The following KALRN variants were observed in gnomAD, a reference collection of about 807,000 sequenced individuals.
KALRN encodes kalirin RhoGEF kinase.
In KALRN, 70 loss-of-function variants were observed where a neutral mutation model predicts 353.7. That is an observed-to-expected ratio of 0.20 (90% CI 0.16 to 0.24). The LOEUF (loss-of-function observed/expected upper bound fraction) is 0.24. Among genes scored for constraint, KALRN ranks in the 10% least tolerant of loss-of-function variants. KALRN has a pLI of 1.00. For synonymous variants in KALRN, 1,391 were observed against 1,434.8 expected (o/e 0.97, Z 0.69); for missense variants, 2,791 against 3,756.7 (o/e 0.74, Z 6.72).
At chr3:124,601,589 G>C (rs1380144505) in intron 34 of KALRN, among the ~76,000 whole-genome samples, 6 of 152,158 alleles carry the variant, frequency 3.9e-5, no homozygotes, top group African/African-American at 1.4e-4. Flanking sequence ...TCTTCAACCA[G>C]GTCACTATTA....
intron 8 of KALRN, among the ~76,000 whole-genome samples, chr3:124,330,377 G>A (rs1222692067): frequency 1.3e-5 from 2 of 151,908 alleles, no homozygotes; most frequent in Admixed American, 6.6e-5. Context: ...CTTCTCTGGA[G>A]GTTGCTTTCT....
chr3:124,527,410 C>G (rs2067679350), intron 33 of KALRN, among the ~76,000 whole-genome samples: 1 of 151,980 alleles, frequency 6.6e-6, no homozygotes, highest in Admixed American at 6.6e-5. Flanking sequence ...GAGATCGAGA[C>G]CATCCTGGCT....
At chr3:124,672,015 C>A in intron 48 of KALRN, 117 bp downstream of exon 48, 1 of 779,774 alleles carries the variant, frequency 1.3e-6, no homozygotes, top group Non-Finnish European at 2.2e-6. Flanking sequence ...ATGGCACCAT[C>A]TCAGCTCACT....
intron 1 of KALRN, among the ~76,000 whole-genome samples, chr3:124,206,953 C>T (rs746192623): frequency 6.6e-6 from 1 of 152,122 alleles, no homozygotes; most frequent in Non-Finnish European, 1.5e-5. Flanking sequence ...AGAACATTGG[C>T]GTTGGCACTT....
chr3:124,124,366 G>A (rs558190080), intron 1 of KALRN, among the ~76,000 whole-genome samples: 5 of 152,336 alleles, frequency 3.3e-5, no homozygotes, highest in South Asian at 2.1e-4. Flanking sequence ...ATCTCATGAT[G>A]AAAATTGAAT....
chr3:124,313,732 C>T (rs370953384), intron 6 of KALRN, among the ~76,000 whole-genome samples: 2 of 152,170 alleles, frequency 1.3e-5, no homozygotes, highest in Non-Finnish European at 2.9e-5. Context: ...CTGATTTAAC[C>T]GTACTGTGGT....
At chr3:124,060,408 A>C (rs761134111) in intron 1 of KALRN, among the ~76,000 whole-genome samples, 14 of 152,078 alleles carry the variant, frequency 9.2e-5, no homozygotes, top group African/African-American at 1.4e-4. Flanking sequence ...TTCTTTCACT[A>C]TCTCTCTCTT....
chr3:124,456,752 T>C, intron 23 of KALRN, 24 bp downstream of exon 23: 1 of 1,550,622 alleles, frequency 6.4e-7, no homozygotes, highest in South Asian at 1.1e-5. Flanking sequence ...TCCGCCCAGC[T>C]AGCTGGCTCC....
rs759068304 is a variant in KALRN at position 124,329,938 on chromosome 3, G to T, written c.1362G>T (p.Leu454=). 1.9e-6 allele frequency: 3 copies of T among 1,613,760 alleles called. No homozygotes were observed. Among genetic ancestry groups the T allele is most frequent in the Non-Finnish European group, 2.5e-6 (3 of 1,179,922 alleles). Reference sequence around the variant, plus strand: ...CATCCGAGATGCAAGACCTAGAGCTGGCAATCCACCACCACCAGACCTTGT... The same window carrying T: ...CATCCGAGATGCAAGACCTAGAGCTTGCAATCCACCACCACCAGACCTTGT... ...GLPSEMQDLE[L]AIHHHQTLYE... is the part of the protein sequence containing the mutation. The change falls in exon 8 of 60, where the codon CTG becomes CTT. Residue 454 remains leucine, a synonymous_variant. Coordinates refer to ENST00000682506, the MANE Select transcript of KALRN (RefSeq NM_001388419.1).
chr3:124,230,857 C>CAA (rs796655959), intron 2 of KALRN, among the ~76,000 whole-genome samples: 108 of 93,652 alleles, frequency 1.2e-3, no homozygotes, highest in African/African-American at 2.9e-3. Flanking sequence ...CCCCCAAAAC[C>CAA]AAAAAAAAAA....
intron 5 of KALRN, among the ~76,000 whole-genome samples, chr3:124,296,201 C>T (rs1445165216): frequency 2.0e-5 from 3 of 152,200 alleles, no homozygotes; most frequent in Non-Finnish European, 2.9e-5. Context: ...ATCTAACTGC[C>T]TACTGGATAC....
intron 10 of KALRN, among the ~76,000 whole-genome samples, chr3:124,373,180 T>C (rs2086100077): frequency 6.6e-6 from 1 of 151,330 alleles, no homozygotes; most frequent in Non-Finnish European, 1.5e-5. Flanking sequence ...ATCAGAAAAA[T>C]ACTGTAAACT....
At chr3:124,392,388 A>T (rs1213937633) in intron 11 of KALRN, among the ~76,000 whole-genome samples, 1 of 152,222 alleles carries the variant, frequency 6.6e-6, no homozygotes, top group African/African-American at 2.4e-5. Context: ...CACATATATC[A>T]ACTTATTTGT....
chr3:124,228,733 T>G (rs183361763), intron 2 of KALRN, among the ~76,000 whole-genome samples: 2 of 152,336 alleles, frequency 1.3e-5, no homozygotes, highest in Non-Finnish European at 2.9e-5. Flanking sequence ...ATGAGCTTAG[T>G]GGCTTGCAAC....
intron 10 of KALRN, among the ~76,000 whole-genome samples, chr3:124,383,920 G>A (rs777426508): frequency 3.9e-5 from 6 of 151,988 alleles, no homozygotes; most frequent in Non-Finnish European, 7.4e-5. Context: ...CTGCTTGTTC[G>A]CCACTCTAGA....
chr3:124,685,886 A>C (rs1272143196), intron 51 of KALRN, among the ~76,000 whole-genome samples: 1 of 152,198 alleles, frequency 6.6e-6, no homozygotes, highest in Non-Finnish European at 1.5e-5. Flanking sequence ...CCATTGACCC[A>C]GAAGTTCCTC....
intron 33 of KALRN, among the ~76,000 whole-genome samples, chr3:124,548,944 G>A (rs1037054994): frequency 4.6e-5 from 7 of 152,314 alleles, no homozygotes; most frequent in South Asian, 2.1e-4. Flanking sequence ...ATGAACCACC[G>A]TGCCTGGTCC....
At chr3:124,309,946 AT>A (rs1387458422) in intron 6 of KALRN, among the ~76,000 whole-genome samples, 1 of 152,210 alleles carries the variant, frequency 6.6e-6, no homozygotes, top group Non-Finnish European at 1.5e-5. Context: ...GGAAAAAGAA[AT>A]AAGAGTCATC....
intron 34 of KALRN, among the ~76,000 whole-genome samples, chr3:124,582,603 C>T (rs538583227): frequency 2.0e-5 from 3 of 152,132 alleles, no homozygotes; most frequent in Non-Finnish European, 4.4e-5. Context: ...CACTACTTTA[C>T]AAGGTTTTTT....
Sources: allele counts gnomAD v4.1 joint callset (sites outside exome capture counted in the v4.1 genomes callset), GRCh38; gene constraint gnomAD v4.1.1; transcripts MANE v1.5; gene names NCBI Gene and HGNC (gene_info 2026-07-23, HGNC 2026-07-21).